Variants in TNNT3 observed in about 807,000 individuals in gnomAD.
The protein encoded by TNNT3 is troponin T3, fast skeletal type.
TNNT3 carries 36 observed loss-of-function variants against 54.2 expected under a neutral mutation model. The ratio of observed to expected loss-of-function variants is 0.66; its 90% CI spans 0.51 to 0.88. TNNT3 has a LOEUF of 0.88. Ranked by LOEUF, TNNT3 falls within the 40% of genes least tolerant of loss-of-function variation. TNNT3 has a pLI of 0.00. For missense variants in TNNT3, 291 were observed against 331.6 expected, an observed-to-expected ratio of 0.88 and a Z score of 0.95; for synonymous variants, 120 against 109.7, an observed-to-expected ratio of 1.09 and a Z score of -0.59.
chr11:1,925,781 C>A (rs1490186574), intron 5 of TNNT3, among the ~76,000 whole-genome samples: 1 of 152,186 alleles, frequency 6.6e-6, no homozygotes, highest in Non-Finnish European at 1.5e-5. Context: ...CCCCCAGGCC[C>A]CCTCACAGCC....
At chr11:1,936,151 C>A in intron 14 of TNNT3, 1 of 1,597,434 alleles carries the variant, frequency 6.3e-7, no homozygotes, top group Admixed American at 1.7e-5. Flanking sequence ...CCAAGCTAGC[C>A]CACAGCCGGG....
At chr11:1,926,218 T>A (rs537645425) in intron 5 of TNNT3, among the ~76,000 whole-genome samples, 13 of 152,268 alleles carry the variant, frequency 8.5e-5, no homozygotes, top group South Asian at 2.1e-4. Context: ...GAGCCACAGC[T>A]CCCGGCCATC....
rs770449076 is a variant in TNNT3, at chr11:1,925,166, C to T, written c.67+50C>T. The T allele has an allele frequency of 1.7e-5, 28 of 1,602,344 alleles. 1 individual carries two copies. Among genetic ancestry groups the T allele is most frequent in the South Asian group, 1.2e-4 (11 of 89,496 alleles). On this transcript the variant is annotated intron_variant, in intron 5 of 15. Transcript: ENST00000278317. Reference sequence around the variant, plus strand: ...CCCCATGCCCACTCCCCAGCCTTCCCGCCCCACCCAAAGTTGACCTCCACC... The same window carrying T: ...CCCCATGCCCACTCCCCAGCCTTCCTGCCCCACCCAAAGTTGACCTCCACC...
At chr11:1,924,567 G>C (rs1850980065) in intron 4 of TNNT3, among the ~76,000 whole-genome samples, 1 of 152,242 alleles carries the variant, frequency 6.6e-6, no homozygotes, top group African/African-American at 2.4e-5. Flanking sequence ...ATTTCTGCGA[G>C]GGAAATATGG....
intron 8 of TNNT3, among the ~76,000 whole-genome samples, chr11:1,932,156 T>A (rs1187636869): frequency 1.3e-5 from 2 of 152,238 alleles, no homozygotes; most frequent in Admixed American, 6.5e-5. Context: ...GTTTATCTGT[T>A]TGAGGAGGAA....
chr11:1,932,721 T>TATCC (rs1252656144), intron 9 of TNNT3, among the ~76,000 whole-genome samples: 3 of 151,942 alleles, frequency 2.0e-5, no homozygotes, highest in African/African-American at 7.3e-5. Flanking sequence ...TCTATCCTTC[T>TATCC]ATCCATCCAT....
rs781095423 is a variant in TNNT3 at position 1,933,883 on chromosome 11, C to T, written c.288+46C>T. 13 of 1,611,878 alleles carry T rather than the reference C, an allele frequency of 8.1e-6. No homozygotes were observed. The African/African-American group carries it at 9.3e-5, about 12-fold the overall frequency. On this transcript the variant is annotated intron_variant, in intron 10 of 15. Coordinates refer to ENST00000278317, the MANE Select transcript of TNNT3 (RefSeq NM_006757.4). ...TGCAGCAGGGGCTGGTGGACTCCCT[C>T]GGAGGAGCCGGGGACAGGGCTGAGC...
chr11:1,923,979 C>T (rs1850803806), intron 4 of TNNT3, among the ~76,000 whole-genome samples: 1 of 150,750 alleles, frequency 6.6e-6, no homozygotes, highest in South Asian at 2.1e-4. Context: ...TCTCTACCCT[C>T]CCGGCATCTC....
At chr11:1,931,839 T>C (rs1306498252) in intron 8 of TNNT3, among the ~76,000 whole-genome samples, 1 of 152,056 alleles carries the variant, frequency 6.6e-6, no homozygotes. Flanking sequence ...CTGCTCCAGT[T>C]TCTGATTGAT....
intron 5 of TNNT3, chr11:1,926,342 G>C: frequency 8.6e-7 from 1 of 1,159,630 alleles, no homozygotes; most frequent in Non-Finnish European, 1.3e-6. Flanking sequence ...TGTCTTGCTC[G>C]CTCCCCGCAC....
intron 13 of TNNT3, 47 bp from the exon 14 acceptor site, chr11:1,934,782 G>A: frequency 2.5e-6 from 4 of 1,606,854 alleles, no homozygotes; most frequent in Non-Finnish European, 3.4e-6. Context: ...GCCTGGCCCT[G>A]CCTTTGGGGC....
chr11:1,938,293 A>G, intron 15 of TNNT3, 145 bp from the exon 16 acceptor site: 1 of 874,904 alleles, frequency 1.1e-6, no homozygotes, highest in Non-Finnish European at 1.9e-6. Context: ...CCCGGACTGA[A>G]GCTGGGTGTG....
intron 3 of TNNT3, among the ~76,000 whole-genome samples, 185 bp downstream of exon 3, chr11:1,923,246 G>T (rs181669794): frequency 6.6e-6 from 1 of 152,022 alleles, no homozygotes; most frequent in Non-Finnish European, 1.5e-5. Flanking sequence ...TCTTTTCCCC[G>T]AAGTGTGGCC....
intron 15 of TNNT3, among the ~76,000 whole-genome samples, chr11:1,937,497 A>T (rs1489536158): frequency 6.6e-6 from 1 of 152,088 alleles, no homozygotes; most frequent in Non-Finnish European, 1.5e-5. Flanking sequence ...TCATCCATAA[A>T]ATCGTGTCCC....
At position 1,932,326 on chromosome 11, in the gene TNNT3, G is replaced by C. The variant is rs1274131129; in HGVS notation, c.126-143G>C. 7.5e-6 allele frequency: 6 copies of C among 800,904 alleles called. No individual in the cohort carries two copies. In the South Asian group the frequency reaches 8.0e-5, roughly 11 times the overall value. The allele number at this position is 800,904 out of a possible 1,614,324, so 49.6% of individuals were successfully genotyped here. A position where few individuals can be genotyped will look rare whatever the true frequency, so the allele number is the denominator to read the frequency against. On this transcript the variant is annotated intron_variant, in intron 8 of 15. Transcript: ENST00000278317. ...TCATAAGAATAAAGCTGGGGCAAACGTGTCACTAGGCGGGCATGCTTGGCT... is the reference window on the plus strand; with the variant it reads ...TCATAAGAATAAAGCTGGGGCAAACCTGTCACTAGGCGGGCATGCTTGGCT...
At position 1,929,124 on chromosome 11, in the gene TNNT3, C is replaced by A; in HGVS notation, c.87C>A (p.Thr29=). Residue 29 remains threonine, a synonymous_variant, in exon 7 of 16, where the codon ACC becomes ACA. Transcript: ENST00000278317. The part of the protein sequence containing the change: ...AQEEEEVQED[T]AEEDAEEEKP... ...GTGCCTTTTGCCACCTGGAAGACAC[C>A]GCAGAGGAGGACGCGGAAGGTAAGG... 2 of 1,613,220 alleles carry A rather than the reference C, an allele frequency of 1.2e-6. No homozygotes were observed. Among genetic ancestry groups the A allele is most frequent in the Non-Finnish European group, 1.7e-6 (2 of 1,179,956 alleles).
At chr11:1,937,697 C>T (rs1040415779) in intron 15 of TNNT3, among the ~76,000 whole-genome samples, 1 of 152,212 alleles carries the variant, frequency 6.6e-6, no homozygotes. Flanking sequence ...TCTTCTCCCT[C>T]CTCCTGTCGC....
chr11:1,932,365 G>C lies in TNNT3; in HGVS notation c.126-104G>C. Reference sequence around the variant, plus strand: ...GCATGCTTGGCTGGGGGCCAGAGCAGGAGGGCACCAGGGTTGGCAGGGGCC... The same window carrying C: ...GCATGCTTGGCTGGGGGCCAGAGCACGAGGGCACCAGGGTTGGCAGGGGCC... On this transcript the variant is annotated intron_variant, in intron 8 of 15. Transcript: ENST00000278317. 3 of 1,088,204 alleles carry C rather than the reference G, an allele frequency of 2.8e-6. No homozygotes were observed. The East Asian group carries it at 7.1e-5, about 26-fold the overall frequency. 67.4% of individuals were successfully genotyped at this position (1,088,204 alleles called of 1,614,324 possible).
chr11:1,930,072 T>C (rs1266918575), intron 8 of TNNT3, among the ~76,000 whole-genome samples: 1 of 151,922 alleles, frequency 6.6e-6, no homozygotes, highest in East Asian at 1.9e-4. Flanking sequence ...GTGGGAGGGA[T>C]GAGGGTCACC....
Sources: gnomAD v4.1 joint callset for allele counts (sites outside exome capture counted in the v4.1 genomes callset) on GRCh38, gnomAD v4.1.1 for gene constraint, MANE v1.5 for transcripts, NCBI Gene and HGNC (gene_info 2026-07-23, HGNC 2026-07-21) for gene names.